MUC17: variants seen among roughly 807,000 people sequenced by gnomAD.
MUC17 encodes the protein mucin-17.
Under a neutral mutation model 170.3 loss-of-function variants are expected in MUC17, and 190 were observed. That is an observed-to-expected ratio of 1.12 (90% CI 0.99 to 1.26). MUC17 has a LOEUF of 1.26. Among genes scored for constraint, MUC17 ranks in the 50% most tolerant of loss-of-function variants. The pLI is 0.00. For synonymous variants in MUC17, 2,325 were observed against 2,002.5 expected (o/e 1.16, Z -4.30); for missense variants, 6,415 against 5,530.0 (o/e 1.16, Z -5.08).
chr7:101,039,909 A>C lies in MUC17; in HGVS notation c.8493A>C (p.Ser2831=), dbSNP rs1794632721. The C allele has an allele frequency of 5.6e-6, 9 of 1,613,188 alleles. 1 individual carries two copies. The highest frequency in any genetic ancestry group is 6.8e-6 in the Non-Finnish European group (8 of 1,179,726). ...PVASSEAGTL[S]TTPVDTSTPV... is the part of the protein sequence containing the mutation. ...CCAGTTCTGAGGCTGGCACCCTTTC[A>C]ACAACTCCTGTTGACACCAGCACAC... The change falls in exon 3 of 13, where the codon TCA becomes TCC. Residue 2831 remains serine (S), a synonymous_variant. Transcript: ENST00000306151.
chr7:101,025,167 C>T (rs1425963379), intron 1 of MUC17, among the ~76,000 whole-genome samples: 2 of 151,738 alleles, frequency 1.3e-5, no homozygotes, highest in African/African-American at 4.8e-5. Flanking sequence ...AAGTTTGAGA[C>T]CAGCCTGGGC....
rs777254345 is a variant in MUC17 at position 101,048,107 on chromosome 7, T to G, written c.12527T>G (p.Ile4176Ser). The change falls in exon 4 of 13, where the codon ATT becomes AGT. Residue 4176 changes from isoleucine (I) to serine (S), a missense_variant. Ile to Ser is a moderately radical substitution (Grantham distance 142, BLOSUM62 -2). Coordinates refer to ENST00000306151, the MANE Select transcript of MUC17 (RefSeq NM_001040105.2). The part of the protein sequence containing the change: ...GELCEEVVSS[I>S]DIGPPETISA... ...TTGTGTGAGGAGGTGGTCAGCAGCA[T>G]TGACATAGGTGAGTGCAACCCCAGG... 1.3e-6 allele frequency: 2 copies of G among 1,598,432 alleles called. No individual in the cohort carries two copies. The highest frequency in any genetic ancestry group is 8.5e-7 in the Non-Finnish European group (1 of 1,173,284).
rs371932962 is a variant in MUC17, at chr7:101,041,555, C to G, written c.10139C>G (p.Ser3380Cys). 2.5e-5 allele frequency: 41 copies of G among 1,613,174 alleles called. No individual in the cohort carries two copies. Among genetic ancestry groups the G allele is most frequent in the African/African-American group, 4.0e-5 (3 of 74,598 alleles). Residue 3380 changes from serine (S) to cysteine (C), a missense_variant, in exon 3 of 13, where the codon TCT becomes TGT. Transcript: ENST00000306151. ...PVTTSTEASL[S>C]PTTAEGTSIP... ...ACCACTTCTACTGAAGCCAGTTTAT[C>G]TCCTACAACTGCTGAAGGTACCAGC...
In MUC17 at chr7:101,034,975, T is replaced by C. The variant is rs777437024; in HGVS notation, c.3559T>C (p.Ser1187Pro). Residue 1187 changes from serine (S) to proline (P), a missense_variant, in exon 3 of 13, where the codon TCC (serine) becomes CCC (proline). Coordinates refer to ENST00000306151, the MANE Select transcript of MUC17 (RefSeq NM_001040105.2). ...ANTLSTTPVD[S>P]KTQVATSTEA... ...CACCCTTTCAACAACTCCTGTGGAC[T>C]CCAAAACTCAGGTGGCCACTTCTAC... 35 of 1,604,226 alleles carry C rather than the reference T, an allele frequency of 2.2e-5. No individual in the cohort carries two copies. The African/African-American group carries it at 2.8e-4, about 13-fold the overall frequency.
Position 101,031,299 on chromosome 7 carries a change from G to T in MUC17, c.184+78G>T, listed in dbSNP as rs544640289. On this transcript the variant is annotated intron_variant, in intron 2 of 12. Coordinates refer to ENST00000306151, the MANE Select transcript of MUC17 (RefSeq NM_001040105.2). Reference sequence around the variant, plus strand: ...GGCTAGAGCGACCCCTGCCAGGCTGGTGAAGCTGCCATATTTTACAGTGTG... The same window carrying T: ...GGCTAGAGCGACCCCTGCCAGGCTGTTGAAGCTGCCATATTTTACAGTGTG... The T allele has an allele frequency of 2.7e-5, 41 of 1,528,858 alleles. No individual in the cohort carries two copies. The African/African-American group carries it at 5.2e-4, about 20-fold the overall frequency. 94.7% of individuals were successfully genotyped at this position (1,528,858 alleles called of 1,614,324 possible).
rs1170140632 is a variant in MUC17 at position 101,040,318 on chromosome 7, TCTC to T, written c.8905_8907del (p.Pro2969del). ...CACCACTTCTGCTGAAGCTAGTTCT[TCTC>T]CTACAACTGCTGAAGGTACCAGCAT... is the stretch of plus-strand genomic sequence containing the variant. On this transcript the variant is annotated inframe_deletion, in exon 3 of 13. Transcript: ENST00000306151. 1 of 1,612,164 alleles carries T rather than the reference TCTC, an allele frequency of 6.2e-7. No individual in the cohort carries two copies.
At position 101,032,105 on chromosome 7, in the gene MUC17, G is replaced by T. The variant is rs1302481144; in HGVS notation, c.689G>T (p.Ser230Ile). Residue 230 changes from serine (S) to isoleucine (I), a missense_variant, in exon 3 of 13, where the codon AGT becomes ATT. Ser to Ile is a moderately radical substitution (Grantham distance 142). Coordinates refer to ENST00000306151, the MANE Select transcript of MUC17 (RefSeq NM_001040105.2). ...CCTGCCAGCACCATGAAGGTGGCCA[G>T]TTCAGAGGCTATCACCCTTTTGACA... The part of the protein sequence containing the change: ...SMPASTMKVA[S>I]SEAITLLTTP... 1 of 1,610,510 alleles carries T rather than the reference G, an allele frequency of 6.2e-7. No homozygotes were observed. The highest frequency in any genetic ancestry group is 1.4e-5 in the African/African-American group (1 of 73,724).
chr7:101,040,477 T>C lies in MUC17; in HGVS notation c.9061T>C (p.Ser3021Pro). 6.2e-7 allele frequency: 1 copy of C among 1,612,130 alleles called. No homozygotes were observed. The highest frequency in any genetic ancestry group is 1.3e-5 in the African/African-American group (1 of 74,806). ...PADTSTPVTT[S>P]TEASSSPTTA... ...TGACACCAGCACACCTGTGACCACT[T>C]CTACTGAAGCCAGTTCCTCTCCTAC... Residue 3021 changes from serine (S) to proline (P), a missense_variant, in exon 3 of 13, where the codon TCT (serine) becomes CCT (proline). Transcript: ENST00000306151.
chr7:101,033,266 C>G lies in MUC17; in HGVS notation c.1850C>G (p.Thr617Ser). Reference sequence around the variant, plus strand: ...TCATCTTCTACAACTGCTGAAGGTACCAGCATGCCAACCTCAACTTACAGT... The same window carrying G: ...TCATCTTCTACAACTGCTGAAGGTAGCAGCATGCCAACCTCAACTTACAGT... ...ASSSSTTAEGTSMPTSTYSER... is the reference protein window; with the variant it reads ...ASSSSTTAEGSSMPTSTYSER... Residue 617 changes from threonine to serine, a missense_variant, in exon 3 of 13, where the codon ACC becomes AGC. By Grantham distance (58) the Thr-to-Ser change is moderately conservative (BLOSUM62 1). Coordinates refer to ENST00000306151, the MANE Select transcript of MUC17 (RefSeq NM_001040105.2). 6.2e-7 allele frequency: 1 copy of G among 1,612,424 alleles called. No individual in the cohort carries two copies.
Position 101,033,891 on chromosome 7 carries a change from C to G in MUC17, c.2475C>G (p.Thr825=), listed in dbSNP as rs371788333. The G allele has an allele frequency of 5.6e-6, 9 of 1,613,248 alleles. No individual in the cohort carries two copies. Among genetic ancestry groups the G allele is most frequent in the Non-Finnish European group, 7.6e-6 (9 of 1,179,660 alleles). The change falls in exon 3 of 13, where the codon ACC becomes ACG. Residue 825 remains threonine, a synonymous_variant. Transcript: ENST00000306151. The part of the protein sequence containing the change: ...ITPVTSPEAS[T]LSTTPVDSNS... Reference sequence around the variant, plus strand: ...CGGTGACCAGTCCTGAGGCTAGCACCCTTTCAACAACTCCTGTTGACTCCA... The same window carrying G: ...CGGTGACCAGTCCTGAGGCTAGCACGCTTTCAACAACTCCTGTTGACTCCA...
At chr7:101,046,748 A>G (rs1794849416) in intron 3 of MUC17, among the ~76,000 whole-genome samples, 1 of 152,128 alleles carries the variant, frequency 6.6e-6, no homozygotes, top group Non-Finnish European at 1.5e-5. Flanking sequence ...ACTGCGCTCC[A>G]ACCTGAACGA....
In MUC17 at chr7:101,043,416, T is replaced by A; in HGVS notation, c.12000T>A (p.Ala4000=). ...CAACACCCGCAATGACTACTGCAGC[T>A]CCCCTCACATATGTGACCATGTCTA... The part of the protein sequence containing the change: ...EFTTPAMTTA[A]PLTYVTMSTA... Residue 4000 remains alanine (A), a synonymous_variant, in exon 3 of 13, where the codon GCT becomes GCA. Transcript: ENST00000306151. The A allele has an allele frequency of 6.2e-7, 1 of 1,614,026 alleles. No individual in the cohort carries two copies. The highest frequency in any genetic ancestry group is 8.5e-7 in the Non-Finnish European group (1 of 1,180,024).
chr7:101,053,211 T>C (rs777662378), intron 10 of MUC17, 64 bp downstream of exon 10: 25 of 1,591,058 alleles, frequency 1.6e-5, no homozygotes, highest in Non-Finnish European at 2.1e-5. Flanking sequence ...CTCTGAACCC[T>C]CTGTCTCTAA....
Position 101,037,048 on chromosome 7 carries a change from A to G in MUC17, c.5632A>G (p.Thr1878Ala), listed in dbSNP as rs1177536269. 1.3e-6 allele frequency: 2 copies of G among 1,581,796 alleles called. No individual in the cohort carries two copies. Among genetic ancestry groups the G allele is most frequent in the Non-Finnish European group, 8.5e-7 (1 of 1,178,370 alleles). The change falls in exon 3 of 13, where the codon ACA becomes GCA. Residue 1878 changes from threonine to alanine, a missense_variant. Coordinates refer to ENST00000306151, the MANE Select transcript of MUC17 (RefSeq NM_001040105.2). The stretch of plus-strand genomic sequence containing the variant: ...AACAAGTATACCTGTCAGCACCACA[A>G]CAGTGGCCAGTTCTGAAACCAACAC... ...ALTSIPVSTT[T>A]VASSETNTLS...
At chr7:101,049,829 C>CAAT (rs1442714811) in intron 6 of MUC17, among the ~76,000 whole-genome samples, 2 of 152,108 alleles carry the variant, frequency 1.3e-5, no homozygotes, top group Non-Finnish European at 2.9e-5. Flanking sequence ...GTTAGGGCTT[C>CAAT]AATATATAAA....
intron 3 of MUC17, among the ~76,000 whole-genome samples, chr7:101,047,095 A>T (rs569084082): frequency 3.2e-4 from 47 of 146,950 alleles, no homozygotes; most frequent in Middle Eastern, 3.5e-3. Flanking sequence ...AAAAAAAATT[A>T]AAATAAATAA....
chr7:101,038,278 C>T lies in MUC17; in HGVS notation c.6862C>T (p.His2288Tyr). The change falls in exon 3 of 13, where the codon CAC becomes TAC. Residue 2288 changes from histidine (H) to tyrosine (Y), a missense_variant. Coordinates refer to ENST00000306151, the MANE Select transcript of MUC17 (RefSeq NM_001040105.2). Reference protein sequence around the residue: ...TTPLTSIPVSHTLVANSEVST... With the variant: ...TTPLTSIPVSYTLVANSEVST... ...TCCATTAACAAGTATACCTGTCAGC[C>T]ACACGCTGGTGGCCAATTCTGAGGT... 1 of 1,610,820 alleles carries T rather than the reference C, an allele frequency of 6.2e-7. No homozygotes were observed. The highest frequency in any genetic ancestry group is 8.5e-7 in the Non-Finnish European group (1 of 1,178,678).
chr7:101,037,080 A>T lies in MUC17; in HGVS notation c.5664A>T (p.Ser1888=). ...CCAGTTCTGAAACCAACACCCTTTCAACAACTCCCGCTGTCACCAGCACAC... is the reference window on the plus strand; with the variant it reads ...CCAGTTCTGAAACCAACACCCTTTCTACAACTCCCGCTGTCACCAGCACAC... ...TVASSETNTL[S]TTPAVTSTPV... Residue 1888 remains serine, a synonymous_variant, in exon 3 of 13, where the codon TCA becomes TCT. Transcript: ENST00000306151. 1 of 1,582,424 alleles carries T rather than the reference A, an allele frequency of 6.3e-7. No individual in the cohort carries two copies. Among genetic ancestry groups the T allele is most frequent in the Non-Finnish European group, 8.5e-7 (1 of 1,177,802 alleles).
Position 101,032,423 on chromosome 7 carries a change from T to C in MUC17, c.1007T>C (p.Leu336Ser), listed in dbSNP as rs765218212. The C allele has an allele frequency of 6.2e-7, 1 of 1,613,694 alleles. No individual in the cohort carries two copies. Among genetic ancestry groups the C allele is most frequent in the Non-Finnish European group, 8.5e-7 (1 of 1,179,792 alleles). Residue 336 changes from leucine to serine, a missense_variant, in exon 3 of 13, where the codon TTA becomes TCA. Transcript: ENST00000306151. ...ACTTATACTGAAGGAAGCACTCCAT[T>C]AACAAGTACGCCTGCCAGCACCATG... is the stretch of plus-strand genomic sequence containing the variant. The part of the protein sequence containing the change: ...TSTYTEGSTP[L>S]TSTPASTMPV...
Sources: gnomAD v4.1 joint callset for allele counts (sites outside exome capture counted in the v4.1 genomes callset) on GRCh38, gnomAD v4.1.1 for gene constraint, MANE v1.5 for transcripts, NCBI Gene and HGNC (gene_info 2026-07-23, HGNC 2026-07-21) for gene names.